Variants in PPP1R12A observed in about 807,000 individuals in gnomAD.
The protein encoded by PPP1R12A is protein phosphatase 1 regulatory subunit 12A, also known as myosin binding subunit.
Under a neutral mutation model 139.6 loss-of-function variants are expected in PPP1R12A, and 19 were observed. That is an observed-to-expected ratio of 0.14 (90% CI 0.09 to 0.20). PPP1R12A has a LOEUF of 0.20. PPP1R12A is among the 10% of genes least tolerant of loss of function. The pLI is 1.00. For missense variants in PPP1R12A, 925 were observed against 1,211.5 expected (o/e 0.76, Z 3.51); for synonymous variants, 427 against 420.6 (o/e 1.02, Z -0.19).
At chr12:79,908,297 G>A (rs1000922170) in intron 1 of PPP1R12A, among the ~76,000 whole-genome samples, 1 of 152,214 alleles carries the variant, frequency 6.6e-6, no homozygotes, top group Non-Finnish European at 1.5e-5. Context: ...ACTGTTTGTA[G>A]TAGTGGAAGC....
At chr12:79,815,389 G>A (rs1875221738) in intron 9 of PPP1R12A, among the ~76,000 whole-genome samples, 2 of 152,102 alleles carry the variant, frequency 1.3e-5, no homozygotes, top group South Asian at 2.1e-4. Context: ...AGGTGTGGTG[G>A]AGGTGCCTGT....
intron 1 of PPP1R12A, among the ~76,000 whole-genome samples, chr12:79,910,387 C>T (rs1269630131): frequency 6.6e-6 from 1 of 151,892 alleles, no homozygotes; most frequent in Non-Finnish European, 1.5e-5. Flanking sequence ...GGCTGAGGCA[C>T]AAGAATTGCT....
chr12:79,821,296 T>G (rs914822833), intron 6 of PPP1R12A, 130 bp from the exon 7 acceptor site: 1 of 626,166 alleles, frequency 1.6e-6, no homozygotes, highest in East Asian at 2.9e-5. Context: ...ATAAATAAAT[T>G]AAGTTTTACC....
intron 3 of PPP1R12A, among the ~76,000 whole-genome samples, chr12:79,833,910 T>C (rs1354860800): frequency 7.0e-6 from 1 of 142,234 alleles, no homozygotes; most frequent in Non-Finnish European, 1.5e-5. Context: ...GAACAATGAA[T>C]GAACAAATAT....
intron 2 of PPP1R12A, among the ~76,000 whole-genome samples, chr12:79,869,123 T>C (rs1882293732): frequency 6.6e-6 from 1 of 152,200 alleles, no homozygotes; most frequent in South Asian, 2.1e-4. Flanking sequence ...GACTTCTACC[T>C]TGTTAAGAAT....
chr12:79,795,614 T>C (rs752461727), intron 18 of PPP1R12A, 24 bp downstream of exon 18: 13 of 1,590,636 alleles, frequency 8.2e-6, no homozygotes, highest in Non-Finnish European at 1.0e-5. Flanking sequence ...TACTATCAAA[T>C]AATGTATTTT....
intron 24 of PPP1R12A, among the ~76,000 whole-genome samples, chr12:79,776,478 C>G (rs1869739671): frequency 6.6e-6 from 1 of 152,068 alleles, no homozygotes; most frequent in South Asian, 2.1e-4. Context: ...TAGACTTGTT[C>G]TAAATTATTA....
intron 4 of PPP1R12A, 129 bp from the exon 5 acceptor site, chr12:79,828,593 C>A: frequency 1.3e-6 from 1 of 750,676 alleles, no homozygotes; most frequent in Non-Finnish European, 2.0e-6. Flanking sequence ...CATCCTTCCC[C>A]CTCAATGAAT....
In PPP1R12A at chr12:79,824,696, T is replaced by G. The variant is rs138228624; in HGVS notation, c.793-2506A>C. ...GCTAACAGTCATGAAGTTATAAACA[T>G]TATTTGGTTCTTAACTACTATAAGG... On this transcript the variant is annotated intron_variant, in intron 5 of 24. Transcript: ENST00000450142. Among the ~76,000 whole-genome samples, 1,152 of 152,270 alleles carry G rather than the reference T, an allele frequency of 7.6e-3. 43 individuals are homozygous for G. The highest frequency in any genetic ancestry group is 0.013 in the East Asian group (67 of 5,188).
chr12:79,873,301 G>C (rs952339148), intron 1 of PPP1R12A, among the ~76,000 whole-genome samples: 1 of 152,082 alleles, frequency 6.6e-6, no homozygotes, highest in Non-Finnish European at 1.5e-5. Context: ...CCTTTAGGGA[G>C]TTGATTAGGG....
intron 1 of PPP1R12A, among the ~76,000 whole-genome samples, chr12:79,882,354 C>T (rs914486468): frequency 3.3e-5 from 5 of 152,230 alleles, no homozygotes; most frequent in Non-Finnish European, 7.4e-5. Flanking sequence ...AAGTTGATTC[C>T]AACCCTCATG....
intron 3 of PPP1R12A, among the ~76,000 whole-genome samples, chr12:79,839,608 TAGTG>T (rs1192717751): frequency 6.6e-6 from 1 of 152,174 alleles, no homozygotes; most frequent in Non-Finnish European, 1.5e-5. Context: ...GTTCTTGTGA[TAGTG>T]AGTGAGTTCC....
chr12:79,902,100 T>G (rs542276519), intron 1 of PPP1R12A, among the ~76,000 whole-genome samples: 1 of 152,324 alleles, frequency 6.6e-6, no homozygotes, highest in South Asian at 2.1e-4. Context: ...TGTTAAAGAT[T>G]TGAGATCTTA....
rs147400479 is a variant in PPP1R12A at position 79,873,975 on chromosome 12, C to G, written c.238-1037G>C. The stretch of plus-strand genomic sequence containing the variant: ...GCAAATGAACAAAATGAGTCTGTCA[C>G]TTCAAGAAAAGCAATTAACGCCAGG... On this transcript the variant is annotated intron_variant, in intron 1 of 24. Transcript: ENST00000450142. 3.6e-4 allele frequency among the ~76,000 whole-genome samples: 55 copies of G among 152,272 alleles called. 1 individual carries two copies. Among genetic ancestry groups the G allele is most frequent in the Middle Eastern group, 3.4e-3 (1 of 294 alleles).
chr12:79,904,411 C>A (rs1490676581), intron 1 of PPP1R12A, among the ~76,000 whole-genome samples: 1 of 152,084 alleles, frequency 6.6e-6, no homozygotes, highest in African/African-American at 2.4e-5. Flanking sequence ...TGCCCCACTA[C>A]CTAACAAAAC....
At chr12:79,813,236 T>C (rs1301582695) in intron 9 of PPP1R12A, among the ~76,000 whole-genome samples, 1 of 152,182 alleles carries the variant, frequency 6.6e-6, no homozygotes, top group African/African-American at 2.4e-5. Flanking sequence ...TGCGAAAGTA[T>C]TCCATATTAT....
rs113759227 is a variant in PPP1R12A at position 79,791,791 on chromosome 12, A to G, written c.2650-1308T>C. On this transcript the variant is annotated intron_variant, in intron 19 of 24. Transcript: ENST00000450142. The stretch of plus-strand genomic sequence containing the variant: ...TTTCATCTTGCAAAAATAAAACTCT[A>G]TATCCAATGAACAACTTCCTTTGTC... Among the ~76,000 whole-genome samples the G allele has an allele frequency of 2.5e-3, 377 of 152,282 alleles. 2 individuals carry two copies. The highest frequency in any genetic ancestry group is 8.6e-3 in the African/African-American group (359 of 41,568).
chr12:79,829,368 T>C (rs1877148103), intron 4 of PPP1R12A, among the ~76,000 whole-genome samples: 1 of 152,170 alleles, frequency 6.6e-6, no homozygotes, highest in South Asian at 2.1e-4. Flanking sequence ...TGACAGCTAA[T>C]GTATAATCCC....
intron 1 of PPP1R12A, among the ~76,000 whole-genome samples, chr12:79,881,235 C>T (rs986312309): frequency 2.6e-5 from 4 of 152,146 alleles, no homozygotes; most frequent in Non-Finnish European, 5.9e-5. Context: ...AATGATTAAG[C>T]TTGGTGAGAA....
Sources: allele counts gnomAD v4.1 joint callset (sites outside exome capture counted in the v4.1 genomes callset), GRCh38; gene constraint gnomAD v4.1.1; transcripts MANE v1.5; gene names NCBI Gene and HGNC (gene_info 2026-07-23, HGNC 2026-07-21).